The following SLMAP variants were observed in gnomAD, a reference collection of about 807,000 sequenced individuals.
The protein encoded by SLMAP is sarcolemma associated protein.
In SLMAP, 44 loss-of-function variants were observed where a neutral mutation model predicts 128.8. That is an observed-to-expected ratio of 0.34 (90% confidence interval 0.27 to 0.44). The LOEUF (loss-of-function observed/expected upper bound fraction) is 0.44. SLMAP is among the 20% of genes least tolerant of loss of function. The pLI, the probability that SLMAP is intolerant of heterozygous loss-of-function variation, is 1.00. For missense variants in SLMAP, 787 were observed against 985.3 expected, an observed-to-expected ratio of 0.80 and a Z score of 2.69; for synonymous variants, 327 against 348.8, an observed-to-expected ratio of 0.94 and a Z score of 0.70.
Position 57,914,886 on chromosome 3 carries a change from A to ATT in SLMAP, c.2138+1627_2138+1628dup, listed in dbSNP as rs201557292. 2.8e-3 allele frequency among the ~76,000 whole-genome samples: 373 copies of ATT among 134,558 alleles called. 1 individual carries two copies. Among genetic ancestry groups the ATT allele is most frequent in the African/African-American group, 7.2e-3 (263 of 36,568 alleles). The allele number at this position is 134,558 out of a possible 152,430, so 88.3% of individuals were successfully genotyped here. ...CATGAGCCACTGCACTCAACTCATA[A>ATT]TTTTTTTTTTTTTTTTTGAGGCAGA... On this transcript the variant is annotated intron_variant, in intron 21 of 24. Coordinates refer to ENST00000671191, the MANE Select transcript of SLMAP (RefSeq NM_001377540.1).
At chr3:57,871,816 T>C (rs1575532461) in intron 14 of SLMAP, 118 bp downstream of exon 14, 2 of 705,216 alleles carry the variant, frequency 2.8e-6, no homozygotes, top group Non-Finnish European at 2.5e-6. Context: ...TAAAGGGGCA[T>C]CTTTAGACAG....
Position 57,815,729 on chromosome 3 carries a change from C to A in SLMAP, c.199-15654C>A, listed in dbSNP as rs909448162. ...TCAGACAGTCCTCCCACCTTAGCCT[C>A]CCAAAGTGCTGGGATTACAGGTCTG... On this transcript the variant is annotated intron_variant, in intron 2 of 24. Coordinates refer to ENST00000671191, the MANE Select transcript of SLMAP (RefSeq NM_001377540.1). Among the ~76,000 whole-genome samples the A allele has an allele frequency of 2.6e-5, 4 of 152,130 alleles. No individual in the cohort carries two copies. In the East Asian group the frequency reaches 7.7e-4, roughly 29 times the overall value.
intron 2 of SLMAP, among the ~76,000 whole-genome samples, chr3:57,786,997 A>G (rs970115817): frequency 6.6e-6 from 1 of 151,968 alleles, no homozygotes; most frequent in Non-Finnish European, 1.5e-5. Context: ...CGGCCTCCCA[A>G]AGTGTTGGGA....
intron 17 of SLMAP, chr3:57,901,867 A>G (rs1018142097): frequency 1.3e-5 from 2 of 152,148 alleles, no homozygotes; most frequent in African/African-American, 4.8e-5. Flanking sequence ...CCCTGTCTCT[A>G]CTAAAAATAC....
At position 57,896,902 on chromosome 3, in the gene SLMAP, G is replaced by C; in HGVS notation, c.1471G>C (p.Glu491Gln). 1 of 1,612,134 alleles carries C rather than the reference G, an allele frequency of 6.2e-7. No individual in the cohort carries two copies. The highest frequency in any genetic ancestry group is 1.1e-5 in the South Asian group (1 of 90,450). ...DAQMDEQDLN[E>Q]PLAKVSLLKD... is the part of the protein sequence containing the mutation. ...CCAAATGGATGAGCAAGACCTAAAT[G>C]AGCCTCTTGCCAAAGTGTCCCTTTT... Residue 491 changes from glutamate (E) to glutamine (Q), a missense_variant, in exon 17 of 25, where the codon GAG (glutamate) becomes CAG (glutamine). This residue lies in a region of SLMAP where 715 missense variants were observed against 843.6 expected (regional missense o/e 0.85). Coordinates refer to ENST00000671191, the MANE Select transcript of SLMAP (RefSeq NM_001377540.1).
chr3:57,884,087 C>A (rs2095817098), intron 14 of SLMAP, among the ~76,000 whole-genome samples: 1 of 151,868 alleles, frequency 6.6e-6, no homozygotes, highest in African/African-American at 2.4e-5. Flanking sequence ...CGTCACCACA[C>A]CCAGTTAATT....
At chr3:57,786,059 A>T (rs2084020806) in intron 2 of SLMAP, among the ~76,000 whole-genome samples, 1 of 152,232 alleles carries the variant, frequency 6.6e-6, no homozygotes, top group Non-Finnish European at 1.5e-5. Context: ...GACAATAAAA[A>T]ACTGTTTAGT....
chr3:57,800,966 T>A, intron 2 of SLMAP: 1 of 286,592 alleles, frequency 3.5e-6, no homozygotes, highest in East Asian at 9.3e-5. Flanking sequence ...GGCATACATA[T>A]GCATTGATCC....
At chr3:57,890,946 C>T (rs1250561242) in intron 15 of SLMAP, 1 of 152,048 alleles carries the variant, frequency 6.6e-6, no homozygotes, top group Non-Finnish European at 1.5e-5. Flanking sequence ...TTTCAAATAT[C>T]TCGTGGTTTC....
At chr3:57,909,307 G>A (rs2096637781) in intron 19 of SLMAP, among the ~76,000 whole-genome samples, 157 bp downstream of exon 19, 1 of 152,048 alleles carries the variant, frequency 6.6e-6, no homozygotes, top group African/African-American at 2.4e-5. Context: ...TTCGAGAGCA[G>A]TGTGGCCAAC....
Position 57,897,242 on chromosome 3 carries a change from T to G in SLMAP, c.1501+310T>G, listed in dbSNP as rs116188458. ...AATTTATTAGCGCTTTTAACATAAT[T>G]AGAATAAGGTGAAAATCTTAACTTT... On this transcript the variant is annotated intron_variant, in intron 17 of 24. Coordinates refer to ENST00000671191, the MANE Select transcript of SLMAP (RefSeq NM_001377540.1). The G allele has an allele frequency of 4.5e-3, 2,442 of 539,530 alleles. 39 individuals are homozygous for G. The highest frequency in any genetic ancestry group is 0.043 in the African/African-American group (2,228 of 51,326). 33.4% of individuals were successfully genotyped at this position (539,530 alleles called of 1,614,324 possible). A position where few individuals can be genotyped will look rare whatever the true frequency, so the allele number is the denominator to read the frequency against.
intron 14 of SLMAP, among the ~76,000 whole-genome samples, chr3:57,882,965 A>G (rs1038822047): frequency 6.6e-6 from 1 of 151,832 alleles, no homozygotes; most frequent in African/African-American, 2.4e-5. Context: ...ATTATGTGTC[A>G]GAAGTGTGTT....
At chr3:57,829,956 C>T (rs1489230264) in intron 2 of SLMAP, among the ~76,000 whole-genome samples, 1 of 152,170 alleles carries the variant, frequency 6.6e-6, no homozygotes, top group African/African-American at 2.4e-5. Flanking sequence ...TTCCCCAGTT[C>T]TGTGACTTTT....
At chr3:57,797,173 T>C (rs1181332083) in intron 2 of SLMAP, among the ~76,000 whole-genome samples, 2 of 127,934 alleles carry the variant, frequency 1.6e-5, no homozygotes, top group African/African-American at 5.8e-5. Flanking sequence ...CAGAGTGAGA[T>C]CCTGTATCTT....
At chr3:57,875,289 A>C (rs1178107328) in intron 14 of SLMAP, among the ~76,000 whole-genome samples, 1 of 152,160 alleles carries the variant, frequency 6.6e-6, no homozygotes, top group African/African-American at 2.4e-5. Context: ...TTCAGGAGGC[A>C]AAGGTGGGAG....
intron 4 of SLMAP, among the ~76,000 whole-genome samples, chr3:57,843,694 C>A (rs1353777503): frequency 7.0e-6 from 1 of 142,754 alleles, no homozygotes; most frequent in Non-Finnish European, 1.5e-5. Flanking sequence ...TAATTGCCTT[C>A]CTTCCTTCCT....
chr3:57,906,319 T>C (rs796727158), intron 17 of SLMAP, among the ~76,000 whole-genome samples: 7 of 122,290 alleles, frequency 5.7e-5, no homozygotes, highest in Middle Eastern at 3.8e-3. Flanking sequence ...TCTTTTTTTT[T>C]TTTTTTTTTT....
intron 2 of SLMAP, among the ~76,000 whole-genome samples, chr3:57,814,342 T>G (rs911929754): frequency 6.6e-6 from 1 of 151,998 alleles, no homozygotes; most frequent in Non-Finnish European, 1.5e-5. Flanking sequence ...GGTCTCACTT[T>G]GTTGCCCAGG....
intron 20 of SLMAP, 57 bp downstream of exon 20, chr3:57,912,758 C>A: frequency 7.4e-7 from 1 of 1,347,700 alleles, no homozygotes; most frequent in Non-Finnish European, 1.0e-6. Flanking sequence ...AACTTCTTAA[C>A]TTGTTTAAAA....
Sources: gnomAD v4.1 joint callset for allele counts (sites outside exome capture counted in the v4.1 genomes callset) on GRCh38, gnomAD v4.1.1 for gene constraint, gnomAD v4.1.1 regional missense constraint, MANE v1.5 for transcripts, NCBI Gene and HGNC (gene_info 2026-07-23, HGNC 2026-07-21) for gene names.